CALN1: variants seen among roughly 807,000 people sequenced by gnomAD.
The protein encoded by CALN1 is calneuron 1.
CALN1 carries 17 observed loss-of-function variants against 30.6 expected under a neutral mutation model. The observed-to-expected ratio is 0.56, with a 90% CI of 0.38 to 0.83. The LOEUF (loss-of-function observed/expected upper bound fraction) is 0.83, where lower values mean the gene tolerates loss of function less well. Among genes scored for constraint, CALN1 ranks in the 40% least tolerant of loss-of-function variants. The pLI is 0.00. For synonymous variants in CALN1, 156 were observed against 131.4 expected (o/e 1.19, Z -1.28); for missense variants, 291 against 354.9 (o/e 0.82, Z 1.45).
intron 5 of CALN1, among the ~76,000 whole-genome samples, chr7:71,870,535 AGAT>A (rs1316231888): frequency 6.6e-6 from 1 of 152,232 alleles, no homozygotes; most frequent in Non-Finnish European, 1.5e-5. Flanking sequence ...CTAAAAAGAA[AGAT>A]AATATATTAC....
intron 2 of CALN1, among the ~76,000 whole-genome samples, chr7:72,383,493 G>A (rs1452930593): frequency 1.3e-5 from 2 of 152,108 alleles, no homozygotes; most frequent in African/African-American, 2.4e-5. Context: ...CTCTCTGGTG[G>A]TTAGTGATGT....
intron 2 of CALN1, among the ~76,000 whole-genome samples, chr7:72,370,625 C>G (rs113172958): frequency 2.0e-5 from 3 of 151,176 alleles, no homozygotes; most frequent in African/African-American, 4.9e-5. Flanking sequence ...CCACTGCACT[C>G]CAGCTTGGGT....
intron 4 of CALN1, among the ~76,000 whole-genome samples, chr7:72,045,283 C>A (rs1802395592): frequency 6.6e-6 from 1 of 152,116 alleles, no homozygotes; most frequent in Non-Finnish European, 1.5e-5. Flanking sequence ...AGCTGGGAGA[C>A]CCAGGTCTGC....
At chr7:71,922,218 T>G (rs1363789965) in intron 5 of CALN1, among the ~76,000 whole-genome samples, 2 of 152,148 alleles carry the variant, frequency 1.3e-5, no homozygotes, top group Non-Finnish European at 2.9e-5. Flanking sequence ...ACTTATCTTG[T>G]CTCTTTGGCA....
chr7:71,919,104 A>G (rs1794815048), intron 5 of CALN1, among the ~76,000 whole-genome samples: 2 of 152,208 alleles, frequency 1.3e-5, no homozygotes, highest in Admixed American at 1.3e-4. Flanking sequence ...TCTATAAATA[A>G]GCAATGAGGG....
chr7:72,083,819 T>G (rs959383191), intron 4 of CALN1, among the ~76,000 whole-genome samples: 1 of 151,796 alleles, frequency 6.6e-6, no homozygotes, highest in Admixed American at 6.6e-5. Flanking sequence ...CTTGGGAGGC[T>G]GAGGCAGGAG....
intron 2 of CALN1, among the ~76,000 whole-genome samples, chr7:72,327,783 C>T (rs958211576): frequency 6.6e-6 from 1 of 152,114 alleles, no homozygotes; most frequent in African/African-American, 2.4e-5. Flanking sequence ...ATAAATTATG[C>T]TTTCAGTAAC....
At chr7:71,874,873 T>A (rs1027789684) in intron 5 of CALN1, among the ~76,000 whole-genome samples, 7 of 151,458 alleles carry the variant, frequency 4.6e-5, no homozygotes, top group Non-Finnish European at 7.4e-5. Flanking sequence ...GGGTAAAGGA[T>A]CAGTAAAATG....
At chr7:72,333,315 A>T (rs1176545769) in intron 2 of CALN1, among the ~76,000 whole-genome samples, 1 of 152,226 alleles carries the variant, frequency 6.6e-6, no homozygotes, top group Non-Finnish European at 1.5e-5. Context: ...TGTCAACTTC[A>T]TCTATCTATC....
At chr7:72,003,655 T>A (rs1273216963) in intron 5 of CALN1, among the ~76,000 whole-genome samples, 1 of 152,208 alleles carries the variant, frequency 6.6e-6, no homozygotes, top group African/African-American at 2.4e-5. Context: ...TGCCTGATGA[T>A]CTGTCACTAT....
Position 72,072,202 on chromosome 7 carries a change from G to A in CALN1, c.388+33949C>T, listed in dbSNP as rs974786696. 5.3e-5 allele frequency among the ~76,000 whole-genome samples: 8 copies of A among 152,100 alleles called. 1 individual carries two copies. Among genetic ancestry groups the A allele is most frequent in the Non-Finnish European group, 4.4e-5 (3 of 68,002 alleles). ...ACTTCATCTAAGATGAACTCAAAGAGACCCACATCAAGACATACTATAGTC... is the reference window on the plus strand; with the variant it reads ...ACTTCATCTAAGATGAACTCAAAGAAACCCACATCAAGACATACTATAGTC... On this transcript the variant is annotated intron_variant, in intron 4 of 6. Transcript: ENST00000395275.
intron 3 of CALN1, among the ~76,000 whole-genome samples, chr7:72,230,342 T>TAAAAAAAAAAAAA (rs3032182): frequency 1.6e-5 from 2 of 124,860 alleles, no homozygotes; most frequent in African/African-American, 3.0e-5. Flanking sequence ...CAATAGATAC[T>TAAAAAAAAAAAAA]AAAAAAAAAA....
rs191887059 is a variant in CALN1 at position 71,949,522 on chromosome 7, C to T, written c.501+74135G>A. ...TCAGCCTCCTGAGTAGCTGGGATTA[C>T]AGGCATGCATCACTGTGCCTGGCTA... On this transcript the variant is annotated intron_variant, in intron 5 of 6. Coordinates refer to ENST00000395275, the MANE Select transcript of CALN1 (RefSeq NM_031468.4). Among the ~76,000 whole-genome samples, 34 of 152,084 alleles carry T rather than the reference C, an allele frequency of 2.2e-4. No homozygotes were observed. In the East Asian group the frequency reaches 6.2e-3, roughly 28 times the overall value.
intron 3 of CALN1, among the ~76,000 whole-genome samples, chr7:72,241,823 C>T (rs1166784092): frequency 6.6e-6 from 1 of 152,174 alleles, no homozygotes; most frequent in Non-Finnish European, 1.5e-5. Flanking sequence ...GCAGCCCATG[C>T]CATCTAAAAA....
intron 3 of CALN1, among the ~76,000 whole-genome samples, chr7:72,107,808 GAAAAAT>G (rs1410192500): frequency 6.6e-6 from 1 of 152,074 alleles, no homozygotes; most frequent in East Asian, 1.9e-4. Context: ...AATAAATACG[GAAAAAT>G]AAAAATGATC....
intron 3 of CALN1, among the ~76,000 whole-genome samples, chr7:72,183,892 A>T (rs1789993110): frequency 6.6e-6 from 1 of 152,168 alleles, no homozygotes. Flanking sequence ...GTCCCCTCGA[A>T]CAAAGAAAAA....
chr7:72,220,109 TA>T (rs1475472160), intron 3 of CALN1, among the ~76,000 whole-genome samples: 1 of 151,832 alleles, frequency 6.6e-6, no homozygotes, highest in African/African-American at 2.4e-5. Context: ...GTTACATATG[TA>T]TACATGTGCC....
intron 2 of CALN1, among the ~76,000 whole-genome samples, chr7:72,315,705 T>C (rs1239664145): frequency 7.1e-6 from 1 of 140,468 alleles, no homozygotes; most frequent in East Asian, 2.1e-4. Flanking sequence ...ACCCTGTCTC[T>C]AAAAAAAAAA....
chr7:72,069,502 T>C (rs1382224495), intron 4 of CALN1, among the ~76,000 whole-genome samples: 1 of 152,170 alleles, frequency 6.6e-6, no homozygotes, highest in African/African-American at 2.4e-5. Flanking sequence ...TTCCAGCTTG[T>C]GGTGTCTCCA....
Sources: gnomAD v4.1 joint callset for allele counts (sites outside exome capture counted in the v4.1 genomes callset) on GRCh38, gnomAD v4.1.1 for gene constraint, MANE v1.5 for transcripts, NCBI Gene and HGNC (gene_info 2026-07-23, HGNC 2026-07-21) for gene names.